The following ENOX1 variants were observed in gnomAD, a reference collection of about 807,000 sequenced individuals.
ENOX1 encodes candidate growth-related and time keeping constitutive hydroquinone (NADH) oxidase.
In ENOX1, 42 loss-of-function variants were observed where a neutral mutation model predicts 82.5. That is an observed-to-expected ratio of 0.51 (90% CI 0.40 to 0.66). The LOEUF (loss-of-function observed/expected upper bound fraction) is 0.66. Ranked by LOEUF, ENOX1 falls within the 30% of genes least tolerant of loss-of-function variation. ENOX1 has a pLI of 0.00. For missense variants in ENOX1, 608 were observed against 811.6 expected (o/e 0.75, Z 3.05); for synonymous variants, 271 against 282.2 (o/e 0.96, Z 0.40).
chr13:43,770,570 T>C (rs996296446), intron 1 of ENOX1, among the ~76,000 whole-genome samples: 1 of 152,166 alleles, frequency 6.6e-6, no homozygotes, highest in Admixed American at 6.5e-5. Flanking sequence ...TTTATTGACA[T>C]GGAGAGAGGC....
At chr13:43,341,816 C>A (rs1041880446) in intron 9 of ENOX1, among the ~76,000 whole-genome samples, 6 of 152,138 alleles carry the variant, frequency 3.9e-5, no homozygotes, top group Admixed American at 2.6e-4. Flanking sequence ...CAGGCCCAGT[C>A]AAAAATTATA....
At chr13:43,707,857 T>C (rs2087420028) in intron 1 of ENOX1, among the ~76,000 whole-genome samples, 1 of 150,834 alleles carries the variant, frequency 6.6e-6, no homozygotes, top group Non-Finnish European at 1.5e-5. Context: ...AAAAGATCAA[T>C]TAAATGGAAT....
chr13:43,457,798 T>C (rs1218277688), intron 3 of ENOX1, among the ~76,000 whole-genome samples: 1 of 152,158 alleles, frequency 6.6e-6, no homozygotes, highest in East Asian at 1.9e-4. Flanking sequence ...AAAAGCAGTA[T>C]AGCCTGCAAC....
At chr13:43,490,629 A>G (rs990914407) in intron 2 of ENOX1, among the ~76,000 whole-genome samples, 3 of 152,222 alleles carry the variant, frequency 2.0e-5, no homozygotes, top group African/African-American at 7.2e-5. Context: ...TGTTTCACAC[A>G]GCATTTGGAT....
chr13:43,445,401 G>A (rs984836713), intron 3 of ENOX1, among the ~76,000 whole-genome samples: 2 of 152,104 alleles, frequency 1.3e-5, no homozygotes, highest in Non-Finnish European at 2.9e-5. Context: ...GGGATTACAG[G>A]TGTGAGCCAC....
At chr13:43,500,440 G>C (rs2076940068) in intron 2 of ENOX1, among the ~76,000 whole-genome samples, 1 of 151,992 alleles carries the variant, frequency 6.6e-6, no homozygotes, top group Admixed American at 6.6e-5. Flanking sequence ...TCAAAGTGCT[G>C]AAAGAGAAAA....
intron 1 of ENOX1, among the ~76,000 whole-genome samples, chr13:43,721,656 G>A (rs957471491): frequency 2.0e-5 from 3 of 152,206 alleles, no homozygotes; most frequent in South Asian, 2.1e-4. Flanking sequence ...GGGATTACAG[G>A]CATGAGCCAC....
intron 2 of ENOX1, among the ~76,000 whole-genome samples, chr13:43,627,203 C>T (rs1041875075): frequency 2.0e-5 from 3 of 151,914 alleles, no homozygotes; most frequent in Non-Finnish European, 2.9e-5. Flanking sequence ...AGATAGCATA[C>T]AGTTGGTTCA....
intron 5 of ENOX1, 100 bp downstream of exon 5, chr13:43,411,816 A>G: frequency 1.4e-6 from 2 of 1,456,414 alleles, no homozygotes; most frequent in Non-Finnish European, 9.4e-7. Flanking sequence ...TAAATAAAAG[A>G]CTGTGTCCAA....
At chr13:43,242,558 T>C (rs906246848) in intron 14 of ENOX1, among the ~76,000 whole-genome samples, 2 of 152,226 alleles carry the variant, frequency 1.3e-5, no homozygotes, top group Non-Finnish European at 2.9e-5. Context: ...GAGGTGGCCA[T>C]GAGGCAGTGG....
intron 3 of ENOX1, among the ~76,000 whole-genome samples, chr13:43,478,329 C>G (rs919411204): frequency 6.6e-6 from 1 of 151,878 alleles, no homozygotes. Context: ...TGCTATTTTT[C>G]AACTAGTAGA....
At chr13:43,735,701 A>G (rs1235904458) in intron 1 of ENOX1, among the ~76,000 whole-genome samples, 4 of 152,138 alleles carry the variant, frequency 2.6e-5, no homozygotes, top group Non-Finnish European at 5.9e-5. Flanking sequence ...AGCCTGGGTG[A>G]CAGAGCAAGA....
chr13:43,468,074 A>G (rs903782337), intron 3 of ENOX1, among the ~76,000 whole-genome samples: 8 of 152,150 alleles, frequency 5.3e-5, no homozygotes, highest in African/African-American at 1.9e-4. Context: ...TAGCTTTGTA[A>G]TAAGTTTTGA....
At chr13:43,268,542 A>G (rs2044508819) in intron 13 of ENOX1, among the ~76,000 whole-genome samples, 1 of 152,192 alleles carries the variant, frequency 6.6e-6, no homozygotes, top group Admixed American at 6.5e-5. Flanking sequence ...GGAGAAAATA[A>G]CTAAAAAGAT....
At chr13:43,447,548 T>C (rs1189478825) in intron 3 of ENOX1, among the ~76,000 whole-genome samples, 1 of 152,024 alleles carries the variant, frequency 6.6e-6, no homozygotes, top group Non-Finnish European at 1.5e-5. Context: ...TGGAATTCTC[T>C]GGACCTTTGG....
chr13:43,578,591 C>T (rs9533534), intron 2 of ENOX1, among the ~76,000 whole-genome samples: 63,550 of 151,928 alleles, frequency 0.42, 13,641 homozygotes, highest in East Asian at 0.76. Context: ...TCAAGAGGTA[C>T]AATCAAATCC....
chr13:43,412,035 C>T lies in ENOX1; in HGVS notation c.89G>A (p.Ser30Asn), dbSNP rs766530530. 1.2e-6 allele frequency: 2 copies of T among 1,613,936 alleles called. No homozygotes were observed. Among genetic ancestry groups the T allele is most frequent in the Non-Finnish European group, 1.7e-6 (2 of 1,179,838 alleles). The change falls in exon 5 of 17, where the codon AGT becomes AAT. Residue 30 changes from serine to asparagine, a missense_variant. Physicochemically the swap from Ser to Asn is conservative, Grantham distance 46. Transcript: ENST00000690772. ...GAGCTGGGTCGTGTCTATCGCTATA[C>T]TCCCCAAACCATCGGCTGCTGTGGG... ...MMAAAADGLG[S>N]IAIDTTQLNM...
chr13:43,462,400 G>A (rs117632959), intron 3 of ENOX1, among the ~76,000 whole-genome samples: 3,742 of 152,236 alleles, frequency 0.025, 57 homozygotes, highest in Middle Eastern at 0.048. Flanking sequence ...TGCAACTCAG[G>A]AAGTCAGTTG....
At chr13:43,415,248 T>G (rs993583643) in intron 3 of ENOX1, among the ~76,000 whole-genome samples, 1 of 146,202 alleles carries the variant, frequency 6.8e-6, no homozygotes, top group Non-Finnish European at 1.5e-5. Context: ...TTTTTTTTTT[T>G]TTTTTTTTTT....
Sources: allele counts gnomAD v4.1 joint callset (sites outside exome capture counted in the v4.1 genomes callset), GRCh38; gene constraint gnomAD v4.1.1; transcripts MANE v1.5; gene names NCBI Gene and HGNC (gene_info 2026-07-23, HGNC 2026-07-21).